STXBP5L: variants seen among roughly 807,000 people sequenced by gnomAD.
STXBP5L encodes the protein syntaxin binding protein 5L, also known as syntaxin-binding protein 5-like.
A neutral mutation model predicts 144.5 loss-of-function variants in STXBP5L; 65 were observed. The observed-to-expected ratio is 0.45, with a 90% CI of 0.37 to 0.55. STXBP5L has a LOEUF of 0.55. Ranked by LOEUF, STXBP5L falls within the 20% of genes least tolerant of loss-of-function variation. The pLI, the probability that STXBP5L is intolerant of heterozygous loss-of-function variation, is 0.00. For missense variants in STXBP5L, 1,298 were observed against 1,405.5 expected (o/e 0.92, Z 1.22); for synonymous variants, 505 against 469.6 (o/e 1.08, Z -0.97).
At chr3:121,035,971 G>A (rs889441379) in intron 3 of STXBP5L, among the ~76,000 whole-genome samples, 5 of 151,984 alleles carry the variant, frequency 3.3e-5, no homozygotes, top group African/African-American at 1.2e-4. Context: ...GTATTTCTTG[G>A]TGCTGTTTTA....
intron 5 of STXBP5L, among the ~76,000 whole-genome samples, chr3:121,091,533 TG>T (rs1225332996): frequency 6.6e-6 from 1 of 152,220 alleles, no homozygotes; most frequent in African/African-American, 2.4e-5. Flanking sequence ...TGGCCAGTGA[TG>T]GTGAGCATTT....
chr3:121,304,683 A>C (rs113254197), intron 19 of STXBP5L, among the ~76,000 whole-genome samples: 2,929 of 152,192 alleles, frequency 0.019, 87 homozygotes, highest in African/African-American at 0.066. Context: ...CAAACACAAC[A>C]TATCAAAATT....
intron 7 of STXBP5L, among the ~76,000 whole-genome samples, chr3:121,128,259 G>A (rs909378299): frequency 1.4e-4 from 22 of 151,922 alleles, no homozygotes; most frequent in Admixed American, 1.1e-3. Context: ...GTAGTAATTT[G>A]CTGGCATGGC....
chr3:121,262,027 G>T (rs778938834), intron 18 of STXBP5L, among the ~76,000 whole-genome samples: 3 of 152,066 alleles, frequency 2.0e-5, no homozygotes, highest in African/African-American at 4.8e-5. Context: ...CTTTGTTTGC[G>T]CTTGGCAGAA....
chr3:121,138,822 G>GA (rs1330061117), intron 7 of STXBP5L, among the ~76,000 whole-genome samples: 1 of 151,936 alleles, frequency 6.6e-6, no homozygotes, highest in African/African-American at 2.4e-5. Flanking sequence ...CAGGGGAAAT[G>GA]CTTCATGACA....
intron 15 of STXBP5L, 140 bp downstream of exon 15, chr3:121,250,903 C>A: frequency 3.1e-6 from 2 of 644,506 alleles, no homozygotes; most frequent in South Asian, 4.2e-5. Context: ...AAATCTATTA[C>A]CTACACTGTT....
At chr3:121,223,634 A>T (rs1043016886) in intron 11 of STXBP5L, among the ~76,000 whole-genome samples, 3 of 152,170 alleles carry the variant, frequency 2.0e-5, no homozygotes, top group Non-Finnish European at 4.4e-5. Flanking sequence ...AGTAATGCAG[A>T]TGTGTGGTTA....
rs188857223 is a variant in STXBP5L, at chr3:121,143,335, C to T, written c.670-9142C>T. On this transcript the variant is annotated intron_variant, in intron 7 of 26. Transcript: ENST00000471454. ...CTTGAAAAGGGGAAAACATTGTCAT[C>T]AGCATTACCCTGACACCAAAACTAG... Among the ~76,000 whole-genome samples the T allele has an allele frequency of 4.2e-3, 634 of 149,944 alleles. 5 individuals carry two copies. The highest frequency in any genetic ancestry group is 0.015 in the African/African-American group (604 of 41,020).
At chr3:121,207,419 TG>T (rs1331287218) in intron 10 of STXBP5L, among the ~76,000 whole-genome samples, 5 of 152,102 alleles carry the variant, frequency 3.3e-5, no homozygotes, top group South Asian at 2.1e-4. Context: ...GACATAGACG[TG>T]GGCAAGGACT....
At chr3:121,335,619 C>G (rs142581327) in intron 20 of STXBP5L, among the ~76,000 whole-genome samples, 1 of 152,216 alleles carries the variant, frequency 6.6e-6, no homozygotes. Flanking sequence ...ACCAATTGAA[C>G]AGAATAGAGA....
At chr3:121,087,427 G>C (rs1327573095) in intron 5 of STXBP5L, among the ~76,000 whole-genome samples, 1 of 151,678 alleles carries the variant, frequency 6.6e-6, no homozygotes, top group Non-Finnish European at 1.5e-5. Flanking sequence ...TTATTATTTG[G>C]TGTCCCTCTC....
chr3:121,354,134 G>T (rs184138405), intron 20 of STXBP5L, among the ~76,000 whole-genome samples: 2 of 152,200 alleles, frequency 1.3e-5, no homozygotes, highest in Admixed American at 6.5e-5. Flanking sequence ...GTGCAATGTG[G>T]TGCTGAGAAA....
chr3:121,180,712 T>C (rs1324314706), intron 9 of STXBP5L, among the ~76,000 whole-genome samples: 1 of 152,060 alleles, frequency 6.6e-6, no homozygotes, highest in Non-Finnish European at 1.5e-5. Flanking sequence ...CCGTCTCTAC[T>C]GAAAATGCAA....
intron 20 of STXBP5L, among the ~76,000 whole-genome samples, chr3:121,327,325 G>A (rs2044180722): frequency 1.3e-5 from 2 of 152,166 alleles, no homozygotes; most frequent in Non-Finnish European, 2.9e-5. Flanking sequence ...CCACCAAACT[G>A]TTGATTACTC....
intron 5 of STXBP5L, among the ~76,000 whole-genome samples, chr3:121,078,255 C>T (rs9833700): frequency 0.1 from 15,023 of 144,084 alleles, 1,173 homozygotes; most frequent in Admixed American, 0.21. Flanking sequence ...ATCCCCTAGC[C>T]AGACATAAAG....
intron 3 of STXBP5L, among the ~76,000 whole-genome samples, chr3:120,979,206 G>T (rs1407448071): frequency 2.0e-5 from 3 of 152,324 alleles, no homozygotes; most frequent in South Asian, 4.1e-4. Context: ...TCCCCCAGTT[G>T]GAGCTTCCCG....
rs17249244 is a variant in STXBP5L, at chr3:121,257,204, C to G, written c.1703C>G (p.Thr568Ser). Reference sequence around the variant, plus strand: ...CAGTATGATGTTGAAGATATTATTACCCCTGAACCAGAAACAAGTCCTCCG... The same window carrying G: ...CAGTATGATGTTGAAGATATTATTAGCCCTGAACCAGAAACAAGTCCTCCG... The part of the protein sequence containing the change: ...RLQYDVEDII[T>S]PEPETSPPFP... Residue 568 changes from threonine (T) to serine (S), a missense_variant, in exon 17 of 27, where the codon ACC becomes AGC. Transcript: ENST00000471454. 0.17 allele frequency: 274,896 copies of G among 1,611,528 alleles called. 25,823 individuals carry two copies. The highest frequency in any genetic ancestry group is 0.19 in the Non-Finnish European group (229,643 of 1,177,918).
chr3:121,048,526 G>C (rs1947686372), intron 5 of STXBP5L, among the ~76,000 whole-genome samples: 1 of 151,936 alleles, frequency 6.6e-6, no homozygotes, highest in South Asian at 2.1e-4. Context: ...TTTATTTTTT[G>C]AGTGTTTTGT....
At chr3:121,369,417 G>GT (rs2045962319) in intron 20 of STXBP5L, among the ~76,000 whole-genome samples, 1 of 150,594 alleles carries the variant, frequency 6.6e-6, no homozygotes, top group Non-Finnish European at 1.5e-5. Context: ...ATTTTGTTTA[G>GT]TTTTTTCTTT....
Sources: allele counts gnomAD v4.1 joint callset (sites outside exome capture counted in the v4.1 genomes callset), GRCh38; gene constraint gnomAD v4.1.1; transcripts MANE v1.5; gene names NCBI Gene and HGNC (gene_info 2026-07-23, HGNC 2026-07-21).